Variants in AKT3 observed in about 807,000 individuals in gnomAD.
The protein encoded by AKT3 is RAC-gamma serine/threonine-protein kinase.
In AKT3, 15 loss-of-function variants were observed where a neutral mutation model predicts 65.3. The observed-to-expected ratio is 0.23, with a 90% confidence interval of 0.15 to 0.35. The LOEUF (loss-of-function observed/expected upper bound fraction) is 0.35, where lower values mean the gene tolerates loss of function less well. Among genes scored for constraint, AKT3 ranks in the 10% least tolerant of loss-of-function variants. The pLI is 1.00. For missense variants in AKT3, 243 were observed against 576.5 expected, an observed-to-expected ratio of 0.42 and a Z score of 5.92; for synonymous variants, 206 against 183.8, an observed-to-expected ratio of 1.12 and a Z score of -0.98.
At chr1:243,716,426 T>C (rs951074730) in intron 2 of AKT3, among the ~76,000 whole-genome samples, 1 of 152,186 alleles carries the variant, frequency 6.6e-6, no homozygotes, top group Non-Finnish European at 1.5e-5. Context: ...ATGTATGGGG[T>C]ATTATTAAAT....
At chr1:243,576,011 T>C (rs955648952) in intron 8 of AKT3, among the ~76,000 whole-genome samples, 1 of 152,154 alleles carries the variant, frequency 6.6e-6, no homozygotes, top group Non-Finnish European at 1.5e-5. Context: ...GACAAGAGCA[T>C]GAATTTTTTT....
intron 13 of AKT3, among the ~76,000 whole-genome samples, chr1:243,507,355 A>G (rs1350022550): frequency 6.6e-6 from 1 of 152,194 alleles, no homozygotes; most frequent in Non-Finnish European, 1.5e-5. Context: ...CATTCATCAC[A>G]ATTCTGAATC....
Position 243,499,997 on chromosome 1 carries a change from A to G in AKT3, c.*5252T>C. ...TCTAGCTGAGCAGAGCTCCTGGTGT[A>G]TGTTTTCAGAAATGGCTTGAAGTTA... is the stretch of plus-strand genomic sequence containing the variant. On this transcript the variant is annotated 3_prime_UTR_variant, in exon 14 of 14. Coordinates refer to ENST00000673466, the MANE Select transcript of AKT3 (RefSeq NM_005465.7). 1.7e-6 allele frequency: 1 copy of G among 598,076 alleles called. No individual in the cohort carries two copies. The allele number at this position is 598,076 out of a possible 1,614,324, so 37.0% of individuals were successfully genotyped here.
intron 12 of AKT3, among the ~76,000 whole-genome samples, chr1:243,545,247 AAAT>A (rs1412957611): frequency 6.6e-6 from 1 of 152,220 alleles, no homozygotes; most frequent in East Asian, 1.9e-4. Context: ...AAAATTAAAG[AAAT>A]AATGAGAGGC....
intron 8 of AKT3, among the ~76,000 whole-genome samples, chr1:243,594,356 C>A (rs192736763): frequency 6.6e-6 from 1 of 152,118 alleles, no homozygotes; most frequent in African/African-American, 2.4e-5. Context: ...AAAGTTACAG[C>A]AGACTTTTTT....
intron 2 of AKT3, among the ~76,000 whole-genome samples, chr1:243,715,472 G>A (rs1686449645): frequency 6.6e-6 from 1 of 152,084 alleles, no homozygotes; most frequent in South Asian, 2.1e-4. Context: ...GACATAGACA[G>A]ATGTTTTGAT....
chr1:243,779,543 T>C (rs1262806792), intron 2 of AKT3, among the ~76,000 whole-genome samples: 1 of 151,914 alleles, frequency 6.6e-6, no homozygotes, highest in Non-Finnish European at 1.5e-5. Context: ...TAGTGTCAAA[T>C]ACACAGAAAT....
chr1:243,588,641 A>G (rs1361227484), intron 8 of AKT3, among the ~76,000 whole-genome samples: 6 of 152,248 alleles, frequency 3.9e-5, no homozygotes, highest in African/African-American at 1.4e-4. Flanking sequence ...TAAGGGAGAA[A>G]GAACAATCTC....
intron 3 of AKT3, chr1:243,687,938 G>A (rs1684439600): frequency 6.6e-6 from 1 of 151,994 alleles, no homozygotes; most frequent in South Asian, 2.1e-4. Flanking sequence ...TTAAGATAAG[G>A]CAGCTATTCC....
chr1:243,812,913 G>GC (rs973266389), intron 2 of AKT3, among the ~76,000 whole-genome samples: 1 of 151,268 alleles, frequency 6.6e-6, no homozygotes, highest in African/African-American at 2.4e-5. Flanking sequence ...GCAAACTATC[G>GC]CAAGCACAAA....
At chr1:243,759,108 G>A (rs1236824662) in intron 2 of AKT3, among the ~76,000 whole-genome samples, 1 of 152,168 alleles carries the variant, frequency 6.6e-6, no homozygotes, top group Non-Finnish European at 1.5e-5. Flanking sequence ...GGGTCCAGGA[G>A]TTCAAGACCA....
Position 243,552,735 on chromosome 1 carries a change from T to C in AKT3, c.1157A>G (p.Asn386Ser). 2 of 1,613,580 alleles carry C rather than the reference T, an allele frequency of 1.2e-6. No individual in the cohort carries two copies. The highest frequency in any genetic ancestry group is 1.7e-6 in the Non-Finnish European group (2 of 1,179,690). ...AGCGTTATTTGAGGCTTACCGTTTA[T>C]TTGGATCCTTTATCAAGAGCCCTGA... ...LLSGLLIKDPNKRLGGGPDDA... is the reference protein window; with the variant it reads ...LLSGLLIKDPSKRLGGGPDDA... The change falls in exon 11 of 14, where the codon AAT (asparagine) becomes AGT (serine). Residue 386 changes from asparagine to serine, a missense_variant. By Grantham distance (46) the Asn-to-Ser change is conservative. Transcript: ENST00000673466.
At chr1:243,515,767 G>C (rs1466905257) in intron 12 of AKT3, among the ~76,000 whole-genome samples, 1 of 152,200 alleles carries the variant, frequency 6.6e-6, no homozygotes, top group African/African-American at 2.4e-5. Context: ...GAGGCAGGCA[G>C]ATCACCAGGT....
intron 12 of AKT3, among the ~76,000 whole-genome samples, chr1:243,523,884 A>C (rs1670879193): frequency 6.6e-6 from 1 of 152,184 alleles, no homozygotes; most frequent in African/African-American, 2.4e-5. Flanking sequence ...CTGTTGGCAC[A>C]ATACTTACCA....
intron 2 of AKT3, among the ~76,000 whole-genome samples, chr1:243,700,193 A>G (rs1384129032): frequency 6.6e-6 from 1 of 152,214 alleles, no homozygotes; most frequent in Non-Finnish European, 1.5e-5. Flanking sequence ...TTGGCATAGG[A>G]CATGTACAGA....
At chr1:243,753,815 T>C (rs1233905648) in intron 2 of AKT3, among the ~76,000 whole-genome samples, 2 of 152,222 alleles carry the variant, frequency 1.3e-5, no homozygotes, top group Non-Finnish European at 2.9e-5. Flanking sequence ...AGATATTTTA[T>C]GGCAAACCTC....
intron 4 of AKT3, among the ~76,000 whole-genome samples, chr1:243,660,949 C>T (rs1426344626): frequency 6.6e-6 from 1 of 152,176 alleles, no homozygotes; most frequent in African/African-American, 2.4e-5. Flanking sequence ...AGTGAACTCC[C>T]ATTCACAACT....
chr1:243,846,551 T>C (rs1230382109), intron 1 of AKT3, among the ~76,000 whole-genome samples: 1 of 152,176 alleles, frequency 6.6e-6, no homozygotes, highest in East Asian at 1.9e-4. Context: ...CCCATTAGTA[T>C]TCAAAGATTA....
intron 2 of AKT3, among the ~76,000 whole-genome samples, chr1:243,798,755 T>C (rs1009299798): frequency 1.3e-5 from 2 of 152,182 alleles, no homozygotes; most frequent in Non-Finnish European, 2.9e-5. Context: ...TCCAGCTTTT[T>C]TGAAGTCTAC....
Sources: allele counts gnomAD v4.1 joint callset (sites outside exome capture counted in the v4.1 genomes callset), GRCh38; gene constraint gnomAD v4.1.1; transcripts MANE v1.5; gene names NCBI Gene and HGNC (gene_info 2026-07-23, HGNC 2026-07-21).